OSBPL8: variants seen among roughly 807,000 people sequenced by gnomAD.
The protein encoded by OSBPL8 is oxysterol-binding protein-related protein 8.
Under a neutral mutation model 125.5 loss-of-function variants are expected in OSBPL8, and 59 were observed. The ratio of observed to expected loss-of-function variants is 0.47; its 90% CI spans 0.38 to 0.58. The LOEUF is 0.58. OSBPL8 is among the 20% of genes least tolerant of loss of function. OSBPL8 has a pLI of 0.00. For synonymous variants in OSBPL8, 330 were observed against 338.9 expected (o/e 0.97, Z 0.29); for missense variants, 758 against 1,047.8 (o/e 0.72, Z 3.82).
At chr12:76,459,832 C>T (rs369740868) in intron 3 of OSBPL8, 27 bp downstream of exon 3, 4 of 1,613,080 alleles carry the variant, frequency 2.5e-6, no homozygotes, top group Non-Finnish European at 3.4e-6. Context: ...TGTCCCCAAA[C>T]ATGCCGTTCA....
intron 1 of OSBPL8, among the ~76,000 whole-genome samples, chr12:76,553,463 A>C (rs1022074733): frequency 4.7e-4 from 71 of 151,504 alleles, no homozygotes; most frequent in Non-Finnish European, 4.3e-4. Context: ...TAGGGGTTCA[A>C]GACCAAGCTG....
intron 5 of OSBPL8, among the ~76,000 whole-genome samples, chr12:76,408,127 T>A (rs1328546674): frequency 4.8e-5 from 6 of 124,454 alleles, no homozygotes; most frequent in Non-Finnish European, 9.7e-5. Flanking sequence ...GGCAATATAG[T>A]GAGGCCCTCA....
intron 1 of OSBPL8, among the ~76,000 whole-genome samples, chr12:76,548,168 A>G (rs1485629225): frequency 6.6e-6 from 1 of 152,168 alleles, no homozygotes; most frequent in African/African-American, 2.4e-5. Flanking sequence ...AATAAAAACA[A>G]CTCATAAAAG....
chr12:76,497,296 G>C (rs1430011322), intron 1 of OSBPL8, among the ~76,000 whole-genome samples: 16 of 151,640 alleles, frequency 1.1e-4, no homozygotes. Context: ...TGATGTTGTA[G>C]CATGAAAGCA....
intron 20 of OSBPL8, among the ~76,000 whole-genome samples, 161 bp from the exon 21 acceptor site, chr12:76,369,462 C>T (rs917546024): frequency 6.6e-6 from 1 of 151,872 alleles, no homozygotes; most frequent in African/African-American, 2.4e-5. Flanking sequence ...ATTTTATAGG[C>T]TAACTTCTAT....
chr12:76,459,710 T>A (rs1381969416), intron 3 of OSBPL8, 149 bp downstream of exon 3: 1 of 877,318 alleles, frequency 1.1e-6, no homozygotes, highest in African/African-American at 1.7e-5. Context: ...AAATGACCAT[T>A]TATATTCTTT....
At chr12:76,490,517 C>T (rs1375833629) in intron 1 of OSBPL8, among the ~76,000 whole-genome samples, 3 of 152,194 alleles carry the variant, frequency 2.0e-5, no homozygotes, top group African/African-American at 2.4e-5. Context: ...GAGAAGAATC[C>T]GGTCGGAGAA....
In OSBPL8 at chr12:76,397,792, G is replaced by T. The variant is rs1428324286; in HGVS notation, c.574C>A (p.Leu192Ile). Reference protein sequence around the residue: ...QKNGQWVGTVLLNACEIIERP... With the variant: ...QKNGQWVGTVILNACEIIERP... ...TCAATGATTTCACAGGCATTCAGAA[G>T]AACTGTTCCTACCCACTGACCATTT... The change falls in exon 8 of 24, where the codon CTT becomes ATT. Residue 192 changes from leucine (L) to isoleucine (I), a missense_variant. Leu to Ile is a conservative substitution (Grantham distance 5). Around this residue, in one of 3 missense-constraint regions of OSBPL8, gnomAD observed 69 missense variants for 148.7 expected, o/e 0.46. Transcript: ENST00000261183. 3 of 1,614,056 alleles carry T rather than the reference G, an allele frequency of 1.9e-6. No individual in the cohort carries two copies. In the South Asian group the frequency reaches 3.3e-5, roughly 18 times the overall value.
At chr12:76,440,264 G>T (rs1565898883) in intron 4 of OSBPL8, among the ~76,000 whole-genome samples, 1 of 151,994 alleles carries the variant, frequency 6.6e-6, no homozygotes, top group Non-Finnish European at 1.5e-5. Flanking sequence ...ACCTCATGTG[G>T]ATTCTCTCTG....
intron 20 of OSBPL8, 85 bp from the exon 21 acceptor site, chr12:76,369,386 TTA>T: frequency 6.8e-7 from 1 of 1,480,162 alleles, no homozygotes; most frequent in Middle Eastern, 2.2e-4. Flanking sequence ...TCCAATTTTA[TTA>T]ATAATTATAT....
intron 2 of OSBPL8, among the ~76,000 whole-genome samples, chr12:76,466,190 T>G (rs950893901): frequency 1.3e-5 from 2 of 152,204 alleles, no homozygotes; most frequent in Non-Finnish European, 2.9e-5. Context: ...AGGTAGGATT[T>G]TACTTATATT....
At chr12:76,443,812 A>T (rs1185659613) in intron 4 of OSBPL8, among the ~76,000 whole-genome samples, 1 of 152,096 alleles carries the variant, frequency 6.6e-6, no homozygotes, top group Non-Finnish European at 1.5e-5. Flanking sequence ...CGGCCCTTAC[A>T]TATCTGTCTT....
intron 1 of OSBPL8, among the ~76,000 whole-genome samples, chr12:76,545,937 C>G (rs1255555263): frequency 6.6e-6 from 1 of 152,154 alleles, no homozygotes; most frequent in African/African-American, 2.4e-5. Flanking sequence ...AGAGTTGACC[C>G]TCGAATGACA....
chr12:76,397,783 C>T lies in OSBPL8; in HGVS notation c.583G>A (p.Ala195Thr). 1 of 1,614,066 alleles carries T rather than the reference C, an allele frequency of 6.2e-7. No homozygotes were observed. Among genetic ancestry groups the T allele is most frequent in the South Asian group, 1.1e-5 (1 of 91,084 alleles). The change falls in exon 8 of 24, where the codon GCC (alanine) becomes ACC (threonine). Residue 195 changes from alanine to threonine, a missense_variant. Coordinates refer to ENST00000261183, the MANE Select transcript of OSBPL8 (RefSeq NM_020841.5). ...GATGGACGTTCAATGATTTCACAGG[C>T]ATTCAGAAGAACTGTTCCTACCCAC... ...GQWVGTVLLN[A>T]CEIIERPSKK...
chr12:76,375,437 G>T, intron 16 of OSBPL8, 67 bp from the exon 17 acceptor site: 1 of 996,684 alleles, frequency 1.0e-6, no homozygotes. Context: ...ACGATAAACA[G>T]TTTAGTAATC....
At chr12:76,493,621 G>A (rs980897738) in intron 1 of OSBPL8, among the ~76,000 whole-genome samples, 2 of 152,158 alleles carry the variant, frequency 1.3e-5, no homozygotes, top group Non-Finnish European at 2.9e-5. Flanking sequence ...CCTTGCATGT[G>A]AGGATCCTTT....
At chr12:76,555,208 G>T (rs1951057542) in intron 1 of OSBPL8, among the ~76,000 whole-genome samples, 1 of 151,990 alleles carries the variant, frequency 6.6e-6, no homozygotes, top group Admixed American at 6.6e-5. Context: ...ATAGATAAAT[G>T]ACATTACAGG....
chr12:76,522,401 T>C (rs913989545), intron 1 of OSBPL8, among the ~76,000 whole-genome samples: 18 of 151,668 alleles, frequency 1.2e-4, no homozygotes, highest in African/African-American at 4.4e-4. Context: ...CCTAGTGTGG[T>C]GGTGTTGAGA....
intron 10 of OSBPL8, among the ~76,000 whole-genome samples, chr12:76,391,536 A>G (rs1417462166): frequency 2.6e-5 from 4 of 152,094 alleles, no homozygotes; most frequent in Non-Finnish European, 4.4e-5. Context: ...AGAGTGGGGG[A>G]AAAAAGAAAA....
Sources: gnomAD v4.1 joint callset for allele counts (sites outside exome capture counted in the v4.1 genomes callset) on GRCh38, gnomAD v4.1.1 for gene constraint, gnomAD v4.1.1 regional missense constraint, MANE v1.5 for transcripts, NCBI Gene and HGNC (gene_info 2026-07-23, HGNC 2026-07-21) for gene names.